The following SOX5 variants were observed in gnomAD, a reference collection of about 807,000 sequenced individuals.
The protein encoded by SOX5 is SRY-box transcription factor 5.
SOX5 carries 9 observed loss-of-function variants against 92.0 expected under a neutral mutation model. The ratio of observed to expected loss-of-function variants is 0.10; its 90% CI spans 0.06 to 0.17. The LOEUF (loss-of-function observed/expected upper bound fraction) is 0.17. Ranked by LOEUF, SOX5 falls within the 10% of genes least tolerant of loss-of-function variation. The probability of loss-of-function intolerance (pLI) is 1.00; values close to 1 mark genes in which losing one functional copy is unlikely to be tolerated. For missense variants in SOX5, 642 were observed against 944.5 expected, an observed-to-expected ratio of 0.68 and a Z score of 4.20; for synonymous variants, 344 against 336.3, an observed-to-expected ratio of 1.02 and a Z score of -0.25.
intron 1 of SOX5, among the ~76,000 whole-genome samples, chr12:24,462,165 C>T (rs957116653): frequency 6.6e-6 from 1 of 152,200 alleles, no homozygotes; most frequent in African/African-American, 2.4e-5. Flanking sequence ...CTCTTACATA[C>T]CTAAGCTATA....
chr12:23,907,876 A>G (rs2097310271), intron 1 of SOX5, among the ~76,000 whole-genome samples: 1 of 152,184 alleles, frequency 6.6e-6, no homozygotes, highest in South Asian at 2.1e-4. Context: ...ACTTTACAGT[A>G]CTGCAATCGC....
intron 2 of SOX5, among the ~76,000 whole-genome samples, chr12:24,299,187 ATC>A (rs2140614212): frequency 6.6e-6 from 1 of 152,286 alleles, no homozygotes; most frequent in African/African-American, 2.4e-5. Flanking sequence ...TTCTTAAGTT[ATC>A]TCCAAGACTG....
intron 1 of SOX5, among the ~76,000 whole-genome samples, chr12:23,948,221 T>TA (rs5797050): frequency 1.7e-3 from 250 of 147,632 alleles, no homozygotes; most frequent in South Asian, 9.9e-3. Flanking sequence ...ATTTAATTAT[T>TA]AAAAAAAAAA....
rs73282037 is a variant in SOX5, at chr12:23,720,655, G to C, written c.810+14029C>G. ...ACTATTATGAACCAATGAAATATAT[G>C]TTGTTAAAGTTTTTTATATGTACCT... On this transcript the variant is annotated intron_variant, in intron 6 of 14. Transcript: ENST00000451604. Among the ~76,000 whole-genome samples, 1,099 of 152,100 alleles carry C rather than the reference G, an allele frequency of 7.2e-3. 17 individuals carry two copies. Among genetic ancestry groups the C allele is most frequent in the African/African-American group, 0.026 (1,061 of 41,510 alleles).
At chr12:23,558,262 A>C (rs1175957015) in intron 11 of SOX5, among the ~76,000 whole-genome samples, 1 of 152,180 alleles carries the variant, frequency 6.6e-6, no homozygotes, top group African/African-American at 2.4e-5. Flanking sequence ...ATAATTCATG[A>C]TCAATTTAAA....
At chr12:23,739,573 C>G (rs2093723082) in intron 5 of SOX5, among the ~76,000 whole-genome samples, 1 of 152,174 alleles carries the variant, frequency 6.6e-6, no homozygotes, top group South Asian at 2.1e-4. Flanking sequence ...ACTTCCATAT[C>G]TGATTCTTTC....
intron 1 of SOX5, among the ~76,000 whole-genome samples, chr12:24,528,291 A>G (rs949886149): frequency 6.6e-6 from 1 of 152,188 alleles, no homozygotes; most frequent in Non-Finnish European, 1.5e-5. Context: ...TATGGAAAAT[A>G]TAAACAGGAA....
chr12:24,306,173 T>C (rs985793199), intron 2 of SOX5, among the ~76,000 whole-genome samples: 3 of 152,016 alleles, frequency 2.0e-5, no homozygotes, highest in Non-Finnish European at 2.9e-5. Context: ...CAGGAAATGA[T>C]AAAGGCGGGG....
At chr12:24,153,273 G>A (rs193176286) in intron 4 of SOX5, among the ~76,000 whole-genome samples, 11 of 152,220 alleles carry the variant, frequency 7.2e-5, no homozygotes, top group Admixed American at 2.6e-4. Context: ...GCCAGCCTGC[G>A]TGTGTCCTCT....
intron 3 of SOX5, among the ~76,000 whole-genome samples, chr12:23,759,036 C>CACAG (rs1567535628): frequency 1.9e-4 from 2 of 10,334 alleles, no homozygotes; most frequent in African/African-American, 2.5e-4. Flanking sequence ...CACAGACACA[C>CACAG]ACACACACAC....
At chr12:24,171,138 A>AT (rs71059984) in intron 4 of SOX5, among the ~76,000 whole-genome samples, 2,666 of 85,092 alleles carry the variant, frequency 0.031, 108 homozygotes, top group African/African-American at 0.07. Context: ...CCCAAGATCT[A>AT]TTTTTTTTTT....
At chr12:23,547,857 AGTT>A (rs1263248631) in intron 11 of SOX5, among the ~76,000 whole-genome samples, 1 of 152,100 alleles carries the variant, frequency 6.6e-6, no homozygotes, top group Non-Finnish European at 1.5e-5. Context: ...TTGTGTGTGA[AGTT>A]GTTGTTTTCA....
intron 1 of SOX5, among the ~76,000 whole-genome samples, chr12:23,916,353 A>T (rs1470552288): frequency 6.6e-6 from 1 of 152,206 alleles, no homozygotes; most frequent in Non-Finnish European, 1.5e-5. Context: ...AAGAAAATCA[A>T]TAGAAAATGT....
intron 1 of SOX5, among the ~76,000 whole-genome samples, chr12:24,417,045 C>T (rs1965137452): frequency 1.3e-5 from 2 of 152,186 alleles, no homozygotes; most frequent in African/African-American, 4.8e-5. Context: ...GTGAGGATCC[C>T]CATCACCCCA....
chr12:24,257,187 A>T (rs1200779129), intron 3 of SOX5, among the ~76,000 whole-genome samples: 3 of 152,220 alleles, frequency 2.0e-5, no homozygotes, highest in Non-Finnish European at 2.9e-5. Flanking sequence ...TTGAATGAAA[A>T]GTCAGAGAAA....
At chr12:23,768,799 T>C (rs2094824823) in intron 3 of SOX5, among the ~76,000 whole-genome samples, 2 of 152,134 alleles carry the variant, frequency 1.3e-5, no homozygotes, top group Admixed American at 6.6e-5. Flanking sequence ...TCTTTATTGC[T>C]TGACAGGGTT....
intron 4 of SOX5, among the ~76,000 whole-genome samples, chr12:24,145,477 A>C (rs1232035484): frequency 6.6e-6 from 1 of 152,172 alleles, no homozygotes; most frequent in African/African-American, 2.4e-5. Context: ...AAGAAAATGG[A>C]TTAAAAAAGA....
intron 6 of SOX5, among the ~76,000 whole-genome samples, chr12:23,668,537 T>C (rs2084228141): frequency 6.6e-6 from 1 of 152,206 alleles, no homozygotes; most frequent in South Asian, 2.1e-4. Flanking sequence ...TAACTTGGTA[T>C]AGGGTTAGTA....
At chr12:24,415,250 C>A (rs1397224255) in intron 1 of SOX5, among the ~76,000 whole-genome samples, 1 of 152,162 alleles carries the variant, frequency 6.6e-6, no homozygotes, top group Non-Finnish European at 1.5e-5. Flanking sequence ...TCAGGATAGA[C>A]CATAAACTGT....
Sources: allele counts gnomAD v4.1 joint callset (sites outside exome capture counted in the v4.1 genomes callset), GRCh38; gene constraint gnomAD v4.1.1; transcripts MANE v1.5; gene names NCBI Gene and HGNC (gene_info 2026-07-23, HGNC 2026-07-21).